Variants in RAPH1 observed in about 807,000 individuals in gnomAD.
The protein encoded by RAPH1 is ras-associated and pleckstrin homology domains-containing protein 1.
In RAPH1, 18 loss-of-function variants were observed where a neutral mutation model predicts 88.1. The ratio of observed to expected loss-of-function variants is 0.20; its 90% CI spans 0.14 to 0.30. RAPH1 has a LOEUF of 0.30. Among genes scored for constraint, RAPH1 ranks in the 10% least tolerant of loss-of-function variants. RAPH1 has a pLI of 1.00. For missense variants in RAPH1, 1,448 were observed against 1,543.2 expected, an observed-to-expected ratio of 0.94 and a Z score of 1.03; for synonymous variants, 587 against 559.0, an observed-to-expected ratio of 1.05 and a Z score of -0.71.
chr2:203,472,139 T>A (rs1367313315), intron 4 of RAPH1, among the ~76,000 whole-genome samples: 15 of 151,540 alleles, frequency 9.9e-5, no homozygotes, highest in Admixed American at 2.6e-4. Flanking sequence ...TTTTTTTTTT[T>A]TTTATTTTTT....
intron 1 of RAPH1, among the ~76,000 whole-genome samples, chr2:203,519,491 TTCC>T (rs1310834745): frequency 1.3e-5 from 2 of 152,120 alleles, no homozygotes; most frequent in Non-Finnish European, 2.9e-5. Context: ...AAAGGGGAAC[TTCC>T]TCAACTTGAT....
At position 203,448,871 on chromosome 2, in the gene RAPH1, T is replaced by C; in HGVS notation, c.1414-35A>G. The C allele has an allele frequency of 6.9e-7, 1 of 1,446,160 alleles. No homozygotes were observed. The highest frequency in any genetic ancestry group is 9.6e-7 in the Non-Finnish European group (1 of 1,042,194). The allele number at this position is 1,446,160 out of a possible 1,614,324, so 89.6% of individuals were successfully genotyped here. A position where few individuals can be genotyped will look rare whatever the true frequency, so the allele number is the denominator to read the frequency against. On this transcript the variant is annotated intron_variant, in intron 10 of 13. Coordinates refer to ENST00000319170, the MANE Select transcript of RAPH1 (RefSeq NM_213589.3). The surrounding 1 kb of genome is among the most constrained non-coding windows in gnomAD (Gnocchi z 4.1). Reference sequence around the variant, plus strand: ...TAAAGACAAAATCCAACTAAGTCCCTTGGAGAACTAAAGAAAAACAAACTT... The same window carrying C: ...TAAAGACAAAATCCAACTAAGTCCCCTGGAGAACTAAAGAAAAACAAACTT...
At chr2:203,483,235 G>A (rs968255620) in intron 4 of RAPH1, among the ~76,000 whole-genome samples, 23 of 152,208 alleles carry the variant, frequency 1.5e-4, no homozygotes, top group African/African-American at 5.3e-4. Flanking sequence ...GTGGATGATA[G>A]ACTGTTAAGG....
intron 1 of RAPH1, among the ~76,000 whole-genome samples, chr2:203,522,385 A>C (rs1689918607): frequency 6.6e-6 from 1 of 152,242 alleles, no homozygotes; most frequent in Non-Finnish European, 1.5e-5. Context: ...TTGTAAGGCA[A>C]CTGAAAAATA....
chr2:203,483,275 G>A (rs1687811089), intron 4 of RAPH1, among the ~76,000 whole-genome samples: 1 of 152,182 alleles, frequency 6.6e-6, no homozygotes, highest in African/African-American at 2.4e-5. Flanking sequence ...AGACCAGAAG[G>A]AAGCCTATTC....
At chr2:203,456,700 G>T (rs1356230838) in intron 8 of RAPH1, among the ~76,000 whole-genome samples, 1 of 152,106 alleles carries the variant, frequency 6.6e-6, no homozygotes. Context: ...ACTGAATGTT[G>T]ATCTTCGCTT....
At chr2:203,531,018 G>GA (rs1373734418) in intron 1 of RAPH1, among the ~76,000 whole-genome samples, 1 of 152,148 alleles carries the variant, frequency 6.6e-6, no homozygotes, top group African/African-American at 2.4e-5. Context: ...ATGGTGCTGG[G>GA]AAAACTGGAT....
At chr2:203,515,723 AG>A (rs1383665717) in intron 1 of RAPH1, among the ~76,000 whole-genome samples, 1 of 152,244 alleles carries the variant, frequency 6.6e-6, no homozygotes, top group Non-Finnish European at 1.5e-5. Context: ...GAGAGTGGAG[AG>A]AAACATTTAA....
chr2:203,527,344 T>C (rs1414350265), intron 1 of RAPH1, among the ~76,000 whole-genome samples: 2 of 152,178 alleles, frequency 1.3e-5, no homozygotes, highest in Non-Finnish European at 2.9e-5. Flanking sequence ...ATTCTGGTAT[T>C]AAATAATTGT....
At chr2:203,497,836 T>C (rs2247620) in intron 1 of RAPH1, among the ~76,000 whole-genome samples, 61 of 152,226 alleles carry the variant, frequency 4.0e-4, no homozygotes, top group African/African-American at 1.4e-3. Context: ...CATTACTATA[T>C]AATTGATAGG....
chr2:203,513,777 G>A (rs1330967609), intron 1 of RAPH1, among the ~76,000 whole-genome samples: 1 of 147,384 alleles, frequency 6.8e-6, no homozygotes, highest in Admixed American at 6.7e-5. Context: ...AGAGGTTGCA[G>A]TGAGCCGAGA....
At position 203,506,773 on chromosome 2, in the gene RAPH1, TATATATCTAG is replaced by T. The variant is rs1319401056; in HGVS notation, c.1-11430_1-11421del. Reference sequence around the variant, plus strand: ...ATATATATATCTATATATATATCTATATATATCTAGATATATATATCTATATATATATCTA... The same window carrying T: ...ATATATATATCTATATATATATCTATATATATATATCTATATATATATCTA... On this transcript the variant is annotated intron_variant, in intron 1 of 13. Coordinates refer to ENST00000319170, the MANE Select transcript of RAPH1 (RefSeq NM_213589.3). 1.3e-3 allele frequency among the ~76,000 whole-genome samples: 150 copies of T among 118,030 alleles called. 11 individuals carry two copies. Among genetic ancestry groups the T allele is most frequent in the Middle Eastern group, 4.3e-3 (1 of 230 alleles). 77.4% of individuals were successfully genotyped at this position (118,030 alleles called of 152,430 possible).
intron 3 of RAPH1, among the ~76,000 whole-genome samples, chr2:203,490,502 A>G (rs1472983180): frequency 6.6e-6 from 1 of 152,230 alleles, no homozygotes; most frequent in Non-Finnish European, 1.5e-5. Flanking sequence ...TGACAGGTCA[A>G]TATTATAAAC....
At chr2:203,498,940 T>G (rs1688624917) in intron 1 of RAPH1, among the ~76,000 whole-genome samples, 1 of 150,298 alleles carries the variant, frequency 6.7e-6, no homozygotes, top group South Asian at 2.1e-4. Context: ...GTATTACAAT[T>G]GTCTATAGTG....
At position 203,448,643 on chromosome 2, in the gene RAPH1, G is replaced by T; in HGVS notation, c.1512+95C>A. 1.3e-6 allele frequency: 1 copy of T among 763,398 alleles called. No homozygotes were observed. Among genetic ancestry groups the T allele is most frequent in the South Asian group, 2.6e-5 (1 of 38,730 alleles). 47.3% of individuals were successfully genotyped at this position (763,398 alleles called of 1,614,324 possible). A position where few individuals can be genotyped will look rare whatever the true frequency, so the allele number is the denominator to read the frequency against. On this transcript the variant is annotated intron_variant, in intron 11 of 13. Transcript: ENST00000319170. This position sits in a 1 kb window ranked among gnomAD's most constrained non-coding sequence, Gnocchi z 4.1. ...AAAACGTAGGCACTGGCAAATCCATGAACATGAAATAGTCAGAATAGTTGT... is the reference window on the plus strand; with the variant it reads ...AAAACGTAGGCACTGGCAAATCCATTAACATGAAATAGTCAGAATAGTTGT...
At chr2:203,491,965 TG>T (rs1461283537) in intron 2 of RAPH1, among the ~76,000 whole-genome samples, 6 of 152,170 alleles carry the variant, frequency 3.9e-5, no homozygotes, top group Admixed American at 6.5e-5. Context: ...ATAGGTGTGA[TG>T]GCTCACTTTG....
intron 13 of RAPH1, 52 bp downstream of exon 13, chr2:203,444,816 A>T (rs933766144): frequency 2.0e-5 from 31 of 1,564,206 alleles, no homozygotes; most frequent in Non-Finnish European, 2.6e-5. Context: ...AACAATTTAA[A>T]CCCAAAAGAA....
At position 203,482,629 on chromosome 2, in the gene RAPH1, C is replaced by CTTA. The variant is rs543693343; in HGVS notation, c.732+6954_732+6955insTAA. On this transcript the variant is annotated intron_variant, in intron 4 of 13. Transcript: ENST00000319170. ...TATTTTCATTTTAAAAATACACTGT[C>CTTA]ATGTATAAAATTCCAAATTCCAAAT... is the stretch of plus-strand genomic sequence containing the variant. Among the ~76,000 whole-genome samples the CTTA allele has an allele frequency of 3.5e-3, 537 of 152,196 alleles. 3 individuals are homozygous for CTTA. Among genetic ancestry groups the CTTA allele is most frequent in the Non-Finnish European group, 6.6e-3 (449 of 68,006 alleles).
intron 4 of RAPH1, among the ~76,000 whole-genome samples, chr2:203,488,150 C>G (rs1688057680): frequency 6.6e-6 from 1 of 152,168 alleles, no homozygotes; most frequent in South Asian, 2.1e-4. Context: ...AAAGAATTCT[C>G]TTTCACCAAA....
Sources: allele counts gnomAD v4.1 joint callset (sites outside exome capture counted in the v4.1 genomes callset), GRCh38; gene constraint gnomAD v4.1.1; non-coding constraint Gnocchi (gnomAD v3.1); transcripts MANE v1.5; gene names NCBI Gene and HGNC (gene_info 2026-07-23, HGNC 2026-07-21).